AOPEP: variants seen among roughly 807,000 people sequenced by gnomAD.
AOPEP encodes the protein aminopeptidase O (putative), also known as aminopeptidase O.
AOPEP carries 77 observed loss-of-function variants against 98.1 expected under a neutral mutation model. The observed-to-expected ratio is 0.78, with a 90% CI of 0.65 to 0.95. The LOEUF is 0.95. Ranked by LOEUF, AOPEP falls within the 40% of genes least tolerant of loss-of-function variation. AOPEP has a pLI of 0.00. For synonymous variants in AOPEP, 346 were observed against 365.3 expected (o/e 0.95, Z 0.60); for missense variants, 1,024 against 1,024.7 (o/e 1.00, Z 0.01).
intron 13 of AOPEP, among the ~76,000 whole-genome samples, chr9:95,024,659 A>G (rs1185595156): frequency 6.6e-6 from 1 of 152,176 alleles, no homozygotes; most frequent in East Asian, 1.9e-4. Flanking sequence ...CTCTGAGAGG[A>G]GGGAGAATGT....
the AOPEP span, among the ~76,000 whole-genome samples, chr9:95,104,186 C>CAGG: frequency 6.6e-6 from 1 of 152,190 alleles, no homozygotes; most frequent in East Asian, 1.9e-4. Flanking sequence ...CCCAGAGGCC[C>CAGG]TCCCTGCCAC....
intron 15 of AOPEP, among the ~76,000 whole-genome samples, chr9:95,081,644 C>G (rs2069794821): frequency 6.6e-6 from 1 of 152,160 alleles, no homozygotes; most frequent in Non-Finnish European, 1.5e-5. Flanking sequence ...CAAGAGGTAT[C>G]TGGAAAAACA....
intron 1 of AOPEP, among the ~76,000 whole-genome samples, chr9:94,731,328 C>T (rs1425611194): frequency 1.3e-5 from 2 of 151,796 alleles, no homozygotes; most frequent in Admixed American, 6.6e-5. Context: ...CCCGGGTTCA[C>T]GCCATTCACC....
intron 5 of AOPEP, among the ~76,000 whole-genome samples, chr9:94,897,541 G>T (rs2119953): frequency 0.85 from 129,537 of 152,144 alleles, 56,818 homozygotes; most frequent in Non-Finnish European, 0.95. Flanking sequence ...TTCAAAAGCT[G>T]TAAAGAGAAA....
chr9:94,882,123 G>T (rs1481406290), intron 5 of AOPEP, among the ~76,000 whole-genome samples: 1 of 152,172 alleles, frequency 6.6e-6, no homozygotes, highest in African/African-American at 2.4e-5. Flanking sequence ...AGGCCTGGCT[G>T]ATCACAAGCT....
At chr9:94,759,217 G>T (rs1160610672) in intron 1 of AOPEP, among the ~76,000 whole-genome samples, 1 of 152,172 alleles carries the variant, frequency 6.6e-6, no homozygotes, top group African/African-American at 2.4e-5. Flanking sequence ...GGAATAAAAT[G>T]TGTGGGGCCA....
chr9:94,777,198 G>A (rs1842299160), intron 3 of AOPEP, among the ~76,000 whole-genome samples: 1 of 152,088 alleles, frequency 6.6e-6, no homozygotes, highest in South Asian at 2.1e-4. Flanking sequence ...ACTTCGGGAG[G>A]CCGAGGGACG....
downstream of AOPEP, among the ~76,000 whole-genome samples, chr9:95,089,056 G>A (rs768962990): frequency 7.2e-5 from 11 of 152,180 alleles, no homozygotes; most frequent in Non-Finnish European, 1.3e-4. Flanking sequence ...GAGGCTCCCC[G>A]AGGCTCTGCA....
intron 13 of AOPEP, chr9:95,056,130 A>G (rs1053245431): frequency 6.6e-6 from 1 of 152,224 alleles, no homozygotes; most frequent in African/African-American, 2.4e-5. Flanking sequence ...GATAAAAGGA[A>G]ATGGCATCAG....
intron 7 of AOPEP, among the ~76,000 whole-genome samples, chr9:94,943,918 T>G (rs1211705713): frequency 7.2e-5 from 2 of 27,608 alleles, no homozygotes; most frequent in Non-Finnish European, 1.2e-4. Context: ...AGACTCCATC[T>G]CAAAAAAAAA....
At chr9:95,146,487 CAAA>C in the AOPEP span, among the ~76,000 whole-genome samples, 26 of 45,552 alleles carry the variant, frequency 5.7e-4, no homozygotes, top group East Asian at 0.015. Context: ...GACCCCATCT[CAAA>C]AAAAAAAAAA....
At chr9:95,104,408 G>A in the AOPEP span, among the ~76,000 whole-genome samples, 5 of 152,128 alleles carry the variant, frequency 3.3e-5, no homozygotes, top group African/African-American at 4.8e-5. Flanking sequence ...TCTCTGTGGC[G>A]GAACTGACTT....
chr9:95,103,136 C>T, the AOPEP span, among the ~76,000 whole-genome samples: 10 of 152,114 alleles, frequency 6.6e-5, no homozygotes, highest in African/African-American at 2.2e-4. Context: ...AGACCCTGAG[C>T]GGGAGGACTG....
chr9:94,872,789 G>A (rs1337921395), intron 5 of AOPEP, among the ~76,000 whole-genome samples: 1 of 152,150 alleles, frequency 6.6e-6, no homozygotes, highest in African/African-American at 2.4e-5. Flanking sequence ...GAAAAGACGT[G>A]AAAGATGAAC....
At chr9:94,823,057 C>T (rs1012314175) in intron 5 of AOPEP, among the ~76,000 whole-genome samples, 5 of 151,866 alleles carry the variant, frequency 3.3e-5, no homozygotes, top group African/African-American at 4.8e-5. Context: ...AGTGCAATGG[C>T]GCAATCTCGG....
At chr9:94,871,809 C>G (rs888134028) in intron 5 of AOPEP, among the ~76,000 whole-genome samples, 4 of 152,090 alleles carry the variant, frequency 2.6e-5, no homozygotes, top group African/African-American at 9.7e-5. Context: ...GAGTTTGAAA[C>G]CAGCCTAGGC....
intron 2 of AOPEP, among the ~76,000 whole-genome samples, chr9:94,768,095 A>G (rs68090960): frequency 0.052 from 7,914 of 152,290 alleles, 230 homozygotes; most frequent in Admixed American, 0.077. Flanking sequence ...ATGGAAAGGA[A>G]TTGGAGGAGG....
intron 7 of AOPEP, among the ~76,000 whole-genome samples, chr9:94,938,067 A>G (rs144710246): frequency 6.6e-6 from 1 of 152,050 alleles, no homozygotes; most frequent in African/African-American, 2.4e-5. Flanking sequence ...TGGAGACAGG[A>G]TTTCACTGTG....
intron 13 of AOPEP, among the ~76,000 whole-genome samples, chr9:95,040,994 C>T (rs1254474347): frequency 2.0e-5 from 3 of 150,740 alleles, no homozygotes; most frequent in Non-Finnish European, 4.4e-5. Context: ...ACATTGTGAA[C>T]TTCAGAAAAT....
Sources: allele counts gnomAD v4.1 joint callset (sites outside exome capture counted in the v4.1 genomes callset), GRCh38; gene constraint gnomAD v4.1.1; transcripts MANE v1.5; gene names NCBI Gene and HGNC (gene_info 2026-07-23, HGNC 2026-07-21).